The following RO60 variants were observed in gnomAD, a reference collection of about 807,000 sequenced individuals.
RO60 encodes Ro60, Y RNA binding protein, also known as RNA-binding protein RO60.
Under a neutral mutation model 55.3 loss-of-function variants are expected in RO60, and 20 were observed. The observed-to-expected ratio is 0.36, with a 90% CI of 0.25 to 0.53. RO60 has a LOEUF of 0.53. Among genes scored for constraint, RO60 ranks in the 20% least tolerant of loss-of-function variants. The probability of loss-of-function intolerance (pLI) is 0.92; values close to 1 mark genes in which losing one functional copy is unlikely to be tolerated. For missense variants in RO60, 558 were observed against 646.6 expected, an observed-to-expected ratio of 0.86 and a Z score of 1.49; for synonymous variants, 213 against 213.6, an observed-to-expected ratio of 1.00 and a Z score of 0.02.
intron 2 of RO60, among the ~76,000 whole-genome samples, chr1:193,069,941 G>A (rs1398588244): frequency 6.6e-6 from 1 of 152,144 alleles, no homozygotes. Flanking sequence ...GCAGGGGCAA[G>A]ACTAAAAGTT....
At chr1:193,077,147 T>G in intron 5 of RO60, 97 bp downstream of exon 5, 1 of 1,200,458 alleles carries the variant, frequency 8.3e-7, no homozygotes, top group Non-Finnish European at 1.1e-6. Context: ...TTAATCATTT[T>G]TTAATTAGGT....
Position 193,064,811 on chromosome 1 carries a change from G to A in RO60, c.-21-4223G>A, listed in dbSNP as rs534805835. Among the ~76,000 whole-genome samples, 3 of 152,246 alleles carry A rather than the reference G, an allele frequency of 2.0e-5. No homozygotes were observed. In the South Asian group the frequency reaches 6.2e-4, roughly 32 times the overall value. ...ATAAGTAACTTTATTTCTTCTAATA[G>A]GGATTATAAGGATTATACTTAGAGA... is the stretch of plus-strand genomic sequence containing the variant. On this transcript the variant is annotated intron_variant, in intron 1 of 8. Transcript: ENST00000400968.
chr1:193,075,613 C>A (rs752223669), intron 2 of RO60, among the ~76,000 whole-genome samples: 3 of 152,076 alleles, frequency 2.0e-5, no homozygotes, highest in African/African-American at 7.2e-5. Context: ...ACTCTAAAGT[C>A]TCATATTTAA....
At chr1:193,070,682 A>G in intron 2 of RO60, 1 of 364,668 alleles carries the variant, frequency 2.7e-6, no homozygotes, top group Non-Finnish European at 5.7e-6. Context: ...ATAAGCTTAC[A>G]ATTATTGAGA....
Position 193,084,581 on chromosome 1 carries a change from A to T in RO60, c.1467A>T (p.Lys489Asn). 3 of 1,609,008 alleles carry T rather than the reference A, an allele frequency of 1.9e-6. No individual in the cohort carries two copies. Among genetic ancestry groups the T allele is most frequent in the Non-Finnish European group, 2.5e-6 (3 of 1,178,574 alleles). The change falls in exon 9 of 9, where the codon AAA becomes AAT. Residue 489 changes from lysine to asparagine, a missense_variant and splice_region_variant. Physicochemically the swap from Lys to Asn is moderately conservative, Grantham distance 94 (BLOSUM62 0). Coordinates refer to ENST00000400968, the MANE Select transcript of RO60 (RefSeq NM_001173524.2). ...TGTATTTTGGTCTTTTTCTACAGAA[A>T]ATGGATATTCCAGCTAAATTGATTG... ...PAIALREYRK[K>N]MDIPAKLIVC... is the part of the protein sequence containing the mutation.
intron 8 of RO60, among the ~76,000 whole-genome samples, chr1:193,083,724 A>C (rs1572106444): frequency 6.6e-6 from 1 of 152,296 alleles, no homozygotes; most frequent in South Asian, 2.1e-4. Flanking sequence ...TTAAGTTTGA[A>C]AGCTGCAGGT....
chr1:193,076,845 C>T (rs1673956984), intron 4 of RO60, 68 bp from the exon 5 acceptor site: 2 of 1,494,614 alleles, frequency 1.3e-6, no homozygotes, highest in Non-Finnish European at 1.8e-6. Context: ...GCTACAATAA[C>T]ACAAAAATCT....
chr1:193,063,859 A>G (rs1672941610), intron 1 of RO60, among the ~76,000 whole-genome samples: 1 of 152,236 alleles, frequency 6.6e-6, no homozygotes, highest in African/African-American at 2.4e-5. Flanking sequence ...TGACTCACAT[A>G]ACTCACTGAA....
intron 1 of RO60, 37 bp from the exon 2 acceptor site, chr1:193,068,997 C>T (rs1466121382): frequency 2.2e-6 from 3 of 1,340,726 alleles, no homozygotes; most frequent in African/African-American, 3.0e-5. Context: ...TTTTATTGTG[C>T]CCATCTAGTT....
At position 193,059,655 on chromosome 1, in the gene RO60, G is replaced by GGCTGTT. The variant is rs773835261; in HGVS notation, c.-131_-126dup. 1.4e-5 allele frequency: 19 copies of GGCTGTT among 1,382,878 alleles called. No homozygotes were observed. The highest frequency in any genetic ancestry group is 1.7e-5 in the Non-Finnish European group (18 of 1,034,398). The allele number at this position is 1,382,878 out of a possible 1,614,324, so 85.7% of individuals were successfully genotyped here. Reference sequence around the variant, plus strand: ...AACCTGGAATCCCCGGCGGCAGTGGGGCTGTTGCTGTTGCTGTGGCTGTCG... The same window carrying GGCTGTT: ...AACCTGGAATCCCCGGCGGCAGTGGGGCTGTTGCTGTTGCTGTTGCTGTGGCTGTCG... On this transcript the variant is annotated 5_prime_UTR_variant, in exon 1 of 9. Coordinates refer to ENST00000400968, the MANE Select transcript of RO60 (RefSeq NM_001173524.2). The surrounding 1 kb of genome is among the most constrained non-coding windows in gnomAD (Gnocchi z 4.9).
At chr1:193,073,940 A>G (rs1215467462) in intron 2 of RO60, among the ~76,000 whole-genome samples, 1 of 134,586 alleles carries the variant, frequency 7.4e-6, no homozygotes, top group East Asian at 2.2e-4. Context: ...TCCTGTGTCC[A>G]TGTGTTCTCA....
intron 8 of RO60, among the ~76,000 whole-genome samples, chr1:193,083,149 TTAAAA>T (rs1325382749): frequency 6.6e-6 from 1 of 152,218 alleles, no homozygotes; most frequent in Non-Finnish European, 1.5e-5. Flanking sequence ...TCAGCAGTAC[TTAAAA>T]TAAGAAAAAG....
intron 1 of RO60, among the ~76,000 whole-genome samples, chr1:193,068,234 TG>T (rs1673250320): frequency 6.6e-6 from 1 of 152,202 alleles, no homozygotes; most frequent in Non-Finnish European, 1.5e-5. Context: ...CAGCAGCAGC[TG>T]GGAACTTGTG....
At chr1:193,072,103 A>G (rs1673558553) in intron 2 of RO60, among the ~76,000 whole-genome samples, 1 of 152,096 alleles carries the variant, frequency 6.6e-6, no homozygotes, top group African/African-American at 2.4e-5. Flanking sequence ...TCCCAGATTC[A>G]AGCAATTCTC....
rs189911619 is a variant in RO60, at chr1:193,086,472, A to C, written c.*1741A>C. On this transcript the variant is annotated 3_prime_UTR_variant, in exon 9 of 9. Transcript: ENST00000400968. ...CGTTTTTAACCCTGTCAAGCATTGA[A>C]CTGAATATATTAGCTACTTTTGACA... The C allele has an allele frequency of 6.6e-6, 1 of 152,260 alleles. No homozygotes were observed. Among genetic ancestry groups the C allele is most frequent in the East Asian group, 1.9e-4 (1 of 5,190 alleles). 9.4% of individuals were successfully genotyped at this position (152,260 alleles called of 1,614,324 possible). A position where few individuals can be genotyped will look rare whatever the true frequency, so the allele number is the denominator to read the frequency against.
At position 193,069,066 on chromosome 1, in the gene RO60, T is replaced by C. The variant is rs763314281; in HGVS notation, c.12T>C (p.Ser4=). MEE[S]VNQMQPLNEK... The stretch of plus-strand genomic sequence containing the variant: ...AAAGACAAAAAAAAATGGAGGAATC[T>C]GTAAACCAAATGCAGCCACTGAATG... The change falls in exon 2 of 9, where the codon TCT becomes TCC. Residue 4 remains serine, a synonymous_variant. Transcript: ENST00000400968. 1.2e-6 allele frequency: 2 copies of C among 1,608,506 alleles called. No individual in the cohort carries two copies. Among genetic ancestry groups the C allele is most frequent in the African/African-American group, 1.3e-5 (1 of 74,756 alleles).
chr1:193,061,879 G>A (rs1414298690), intron 1 of RO60, among the ~76,000 whole-genome samples: 4 of 151,964 alleles, frequency 2.6e-5, no homozygotes, highest in Admixed American at 1.3e-4. Context: ...AGCTACTCAG[G>A]AGGCTGAGGC....
chr1:193,073,551 C>G, intron 2 of RO60, among the ~76,000 whole-genome samples: 1 of 152,020 alleles, frequency 6.6e-6, no homozygotes, highest in East Asian at 1.9e-4. Flanking sequence ...CCTAACAACT[C>G]TCTATTACAT....
chr1:193,062,885 A>G (rs79374714), intron 1 of RO60, among the ~76,000 whole-genome samples: 3,131 of 152,268 alleles, frequency 0.021, 110 homozygotes, highest in African/African-American at 0.071. Flanking sequence ...TTATTGTCTA[A>G]TAATAGTCCA....
Sources: gnomAD v4.1 joint callset for allele counts (sites outside exome capture counted in the v4.1 genomes callset) on GRCh38, gnomAD v4.1.1 for gene constraint, Gnocchi (gnomAD v3.1) non-coding constraint, MANE v1.5 for transcripts, NCBI Gene and HGNC (gene_info 2026-07-23, HGNC 2026-07-21) for gene names.